HDAC4: variants seen among roughly 807,000 people sequenced by gnomAD.
HDAC4 encodes the protein histone deacetylase A.
Under a neutral mutation model 135.1 loss-of-function variants are expected in HDAC4, and 16 were observed. That is an observed-to-expected ratio of 0.12 (90% CI 0.08 to 0.18). The LOEUF (loss-of-function observed/expected upper bound fraction) is 0.18. Ranked by LOEUF, HDAC4 falls within the 10% of genes least tolerant of loss-of-function variation. HDAC4 has a pLI of 1.00. For synonymous variants in HDAC4, 685 were observed against 653.4 expected (o/e 1.05, Z -0.74); for missense variants, 1,143 against 1,511.8 (o/e 0.76, Z 4.05).
At chr2:239,174,377 T>A (rs1376966756) in intron 5 of HDAC4, among the ~76,000 whole-genome samples, 1 of 142,662 alleles carries the variant, frequency 7.0e-6, no homozygotes, top group African/African-American at 2.6e-5. Flanking sequence ...AACAAGCACT[T>A]CACAAAAAGG....
rs1559389051 is a variant in HDAC4 at position 239,082,237 on chromosome 2, C to T, written c.2533-16G>A. The T allele has an allele frequency of 1.2e-6, 2 of 1,614,188 alleles. No homozygotes were observed. The highest frequency in any genetic ancestry group is 1.1e-5 in the South Asian group (1 of 91,086). ...GGTGCACGTCCTTAAAGAGCAGGGA[C>T]AACTACTTCAGGGCTGAGGCAGGTA... On this transcript the variant is annotated splice_polypyrimidine_tract_variant and intron_variant, in intron 20 of 26. Transcript: ENST00000543185.
intron 2 of HDAC4, among the ~76,000 whole-genome samples, chr2:239,291,412 G>A (rs1419297979): frequency 3.3e-5 from 5 of 152,218 alleles, no homozygotes; most frequent in Non-Finnish European, 4.4e-5. Context: ...CCTCAAAGAG[G>A]GGTCCCCTGG....
chr2:239,068,376 TA>T lies in HDAC4; in HGVS notation c.2869+112del. The T allele has an allele frequency of 2.5e-6, 2 of 789,960 alleles. No homozygotes were observed. Among genetic ancestry groups the T allele is most frequent in the Middle Eastern group, 2.3e-4 (1 of 4,304 alleles). 48.9% of individuals were successfully genotyped at this position (789,960 alleles called of 1,614,324 possible). ...GTACGGTCAGAACCTTGGTCATTAG[TA>T]AAAAGGTGCCCTTCCTTATCTCGTT... On this transcript the variant is annotated intron_variant, in intron 23 of 26. Transcript: ENST00000543185. The surrounding 1 kb of genome is among the most constrained non-coding windows in gnomAD (Gnocchi z 4.4).
intron 1 of HDAC4, among the ~76,000 whole-genome samples, chr2:239,357,420 A>G (rs1333836418): frequency 2.6e-5 from 4 of 151,420 alleles, no homozygotes; most frequent in African/African-American, 9.7e-5. Flanking sequence ...CACCTTAAAA[A>G]ATTAGAAAAA....
chr2:239,373,608 C>T (rs983162186), intron 1 of HDAC4, among the ~76,000 whole-genome samples: 12 of 152,092 alleles, frequency 7.9e-5, no homozygotes, highest in Admixed American at 2.6e-4. Flanking sequence ...GGATTACAGG[C>T]GTGCACCACC....
chr2:239,143,031 G>T (rs1479749862), intron 8 of HDAC4, among the ~76,000 whole-genome samples: 2 of 152,198 alleles, frequency 1.3e-5, no homozygotes, highest in Non-Finnish European at 2.9e-5. Context: ...GCTCAGCACT[G>T]ATCACGCCCT....
At chr2:239,181,547 A>C (rs572335473) in intron 4 of HDAC4, among the ~76,000 whole-genome samples, 2 of 152,252 alleles carry the variant, frequency 1.3e-5, no homozygotes, top group African/African-American at 4.8e-5. Context: ...CAACCAACTT[A>C]AATGAACTTC....
intron 5 of HDAC4, among the ~76,000 whole-genome samples, chr2:239,166,911 T>C (rs2043151605): frequency 6.6e-6 from 1 of 152,218 alleles, no homozygotes; most frequent in African/African-American, 2.4e-5. Flanking sequence ...ATGGGTAACT[T>C]CAATTTTTTG....
At chr2:239,229,581 T>C (rs1332973379) in intron 3 of HDAC4, among the ~76,000 whole-genome samples, 1 of 152,248 alleles carries the variant, frequency 6.6e-6, no homozygotes, top group Non-Finnish European at 1.5e-5. Context: ...GTTGTCACGT[T>C]ACAGGTTGGC....
chr2:239,115,282 C>T lies in HDAC4; in HGVS notation c.1562G>A (p.Arg521Gln), dbSNP rs201982913. 5.6e-5 allele frequency: 91 copies of T among 1,613,168 alleles called. No individual in the cohort carries two copies. Among genetic ancestry groups the T allele is most frequent in the Non-Finnish European group, 7.0e-5 (83 of 1,179,956 alleles). Residue 521 changes from arginine (R) to glutamine (Q), a missense_variant, in exon 13 of 27, where the codon CGG becomes CAG. Physicochemically the swap from Arg to Gln is conservative, Grantham distance 43. Transcript: ENST00000543185. This position sits in a 1 kb window ranked among gnomAD's most constrained non-coding sequence, Gnocchi z 6.3. ...CTCCTCCGGGTGGCTCTCCGGCTGC[C>T]GGGCTGGCTCGCTTGGCTTGGGGAT... ...KIIPKPSEPA[R>Q]QPESHPEETE...
chr2:239,230,390 A>G (rs1045783974), intron 3 of HDAC4, among the ~76,000 whole-genome samples: 2 of 122,138 alleles, frequency 1.6e-5, no homozygotes, highest in African/African-American at 5.6e-5. Flanking sequence ...AAAAAAAAAA[A>G]GCAAAGCAGG....
chr2:239,110,146 C>T (rs775361875), intron 14 of HDAC4, among the ~76,000 whole-genome samples: 10 of 152,216 alleles, frequency 6.6e-5, no homozygotes, highest in Non-Finnish European at 2.9e-5. Flanking sequence ...GTCCATCTGG[C>T]TATGCACAGA....
At chr2:239,288,883 G>A (rs537699107) in intron 2 of HDAC4, among the ~76,000 whole-genome samples, 69 of 152,346 alleles carry the variant, frequency 4.5e-4, no homozygotes, top group African/African-American at 1.7e-3. Flanking sequence ...CATCCATAGA[G>A]TCAATGCAAT....
intron 12 of HDAC4, among the ~76,000 whole-genome samples, chr2:239,117,285 G>A (rs950313381): frequency 6.6e-6 from 1 of 152,188 alleles, no homozygotes; most frequent in African/African-American, 2.4e-5. Context: ...CTAGAAGCAT[G>A]CCCTGCTGCA....
At chr2:239,319,899 T>G (rs2053249580) in intron 2 of HDAC4, among the ~76,000 whole-genome samples, 1 of 152,216 alleles carries the variant, frequency 6.6e-6, no homozygotes, top group Non-Finnish European at 1.5e-5. Flanking sequence ...TAAAACTTTT[T>G]TTTGGAAACA....
intron 13 of HDAC4, among the ~76,000 whole-genome samples, chr2:239,112,288 G>T (rs2038747670): frequency 6.6e-6 from 1 of 152,226 alleles, no homozygotes; most frequent in Non-Finnish European, 1.5e-5. Flanking sequence ...TGTTGGGTTT[G>T]TGGGTCTTAG....
intron 2 of HDAC4, among the ~76,000 whole-genome samples, chr2:239,312,609 G>A (rs1044943693): frequency 2.0e-5 from 3 of 152,172 alleles, no homozygotes; most frequent in African/African-American, 4.8e-5. Flanking sequence ...TCCTCTATGC[G>A]TCCAATGAAA....
chr2:239,311,415 G>A (rs937559128), intron 2 of HDAC4, among the ~76,000 whole-genome samples: 23 of 152,208 alleles, frequency 1.5e-4, no homozygotes, highest in African/African-American at 5.5e-4. Flanking sequence ...GTCCTCAGCC[G>A]GCGTCAGCTG....
chr2:239,230,709 A>T (rs1414352438), intron 3 of HDAC4, among the ~76,000 whole-genome samples: 1 of 152,206 alleles, frequency 6.6e-6, no homozygotes, highest in African/African-American at 2.4e-5. Flanking sequence ...ACAAAGGGGC[A>T]CCACGCAGGA....
Sources: allele counts gnomAD v4.1 joint callset (sites outside exome capture counted in the v4.1 genomes callset), GRCh38; gene constraint gnomAD v4.1.1; non-coding constraint Gnocchi (gnomAD v3.1); transcripts MANE v1.5; gene names NCBI Gene and HGNC (gene_info 2026-07-23, HGNC 2026-07-21).